SORBS3: variants seen among roughly 807,000 people sequenced by gnomAD.
SORBS3 encodes the protein vinexin.
SORBS3 carries 69 observed loss-of-function variants against 98.0 expected under a neutral mutation model. The ratio of observed to expected loss-of-function variants is 0.70; its 90% CI spans 0.58 to 0.86. The LOEUF is 0.86. Ranked by LOEUF, SORBS3 falls within the 40% of genes least tolerant of loss-of-function variation. The probability of loss-of-function intolerance (pLI) is 0.00; values close to 1 mark genes in which losing one functional copy is unlikely to be tolerated. For synonymous variants in SORBS3, 394 were observed against 355.4 expected, an observed-to-expected ratio of 1.11 and a Z score of -1.22; for missense variants, 954 against 908.5, an observed-to-expected ratio of 1.05 and a Z score of -0.64.
At chr8:22,553,926 A>G (rs930639636) in intron 1 of SORBS3, among the ~76,000 whole-genome samples, 5 of 152,170 alleles carry the variant, frequency 3.3e-5, no homozygotes, top group Admixed American at 2.0e-4. Flanking sequence ...CCTTGGCCCT[A>G]TTGGGCTTAA....
chr8:22,561,315 G>C lies in SORBS3; in HGVS notation c.479-20G>C. 2 of 1,585,508 alleles carry C rather than the reference G, an allele frequency of 1.3e-6. No individual in the cohort carries two copies. The highest frequency in any genetic ancestry group is 1.7e-6 in the Non-Finnish European group (2 of 1,163,274). ...TGCTTTCTGCCCCGTCCCATGACCT[G>C]GTCCCTTCTGCTCCTGCAGACTTGC... On this transcript the variant is annotated intron_variant, in intron 5 of 20. Coordinates refer to ENST00000240123, the MANE Select transcript of SORBS3 (RefSeq NM_005775.5).
At chr8:22,549,935 G>A (rs1840056979), upstream of SORBS3, 2 of 969,350 alleles carry the variant, frequency 2.1e-6, no homozygotes, top group South Asian at 9.5e-5. Context: ...AGAGAAGCTT[G>A]CTGCTGGTGA....
At position 22,574,755 on chromosome 8, in the gene SORBS3, G is replaced by GC; in HGVS notation, c.*29dup. The GC allele has an allele frequency of 6.2e-7, 1 of 1,608,906 alleles. No individual in the cohort carries two copies. Among genetic ancestry groups the GC allele is most frequent in the Non-Finnish European group, 8.5e-7 (1 of 1,175,714 alleles). On this transcript the variant is annotated 3_prime_UTR_variant, in exon 21 of 21. Coordinates refer to ENST00000240123, the MANE Select transcript of SORBS3 (RefSeq NM_005775.5). The stretch of plus-strand genomic sequence containing the variant: ...TGGTCTCCATGGCAACTTGGAGCCA[G>GC]CCAGGATGGGGTGGGGAGCGGTGGC...
At position 22,561,918 on chromosome 8, in the gene SORBS3, A is replaced by G. The variant is rs1008237218; in HGVS notation, c.571A>G (p.Thr191Ala). 1.5e-5 allele frequency: 24 copies of G among 1,613,946 alleles called. No individual in the cohort carries two copies. The African/African-American group carries it at 2.7e-4, about 18-fold the overall frequency. Residue 191 changes from threonine to alanine, a missense_variant, in exon 7 of 21, where the codon ACA becomes GCA. By Grantham distance (58) the Thr-to-Ala change is moderately conservative (BLOSUM62 0). Coordinates refer to ENST00000240123, the MANE Select transcript of SORBS3 (RefSeq NM_005775.5). ...ACCTGCCCACAGGCCCGGCCCGGCA[A>G]CATCTTCCAGTGGGTGAGCACAGTG... ...QRPAHRPGPATSSSGRSWDHS... is the reference protein window; with the variant it reads ...QRPAHRPGPAASSSGRSWDHS...
At chr8:22,565,480 C>A in intron 11 of SORBS3, 126 bp downstream of exon 11, 1 of 761,116 alleles carries the variant, frequency 1.3e-6, no homozygotes, top group Non-Finnish European at 1.9e-6. Context: ...GCGGCGCGCA[C>A]CGGCCTCGGG....
chr8:22,570,246 G>A (rs1156520856), intron 17 of SORBS3, among the ~76,000 whole-genome samples: 2 of 152,202 alleles, frequency 1.3e-5, no homozygotes, highest in Admixed American at 6.5e-5. Flanking sequence ...GAGACAGATG[G>A]GGGCAGGAGA....
chr8:22,571,867 T>C, intron 19 of SORBS3, 46 bp downstream of exon 19: 2 of 1,327,304 alleles, frequency 1.5e-6, no homozygotes, highest in Non-Finnish European at 2.2e-6. Context: ...GGGGGGTCAC[T>C]GGCAGGCAAT....
chr8:22,552,762 C>CGAG (rs1840108569), intron 1 of SORBS3, among the ~76,000 whole-genome samples: 1 of 152,204 alleles, frequency 6.6e-6, no homozygotes, highest in Non-Finnish European at 1.5e-5. Flanking sequence ...AGGGGTGCTG[C>CGAG]GAGGAGCCGA....
intron 19 of SORBS3, 83 bp from the exon 20 acceptor site, chr8:22,572,257 C>T (rs1377859065): frequency 8.9e-7 from 1 of 1,118,126 alleles, no homozygotes; most frequent in Non-Finnish European, 1.4e-6. Context: ...ATGAAGGGAC[C>T]CTGGGGCATT....
At position 22,567,043 on chromosome 8, in the gene SORBS3, C is replaced by T. The variant is rs772454525; in HGVS notation, c.1191-18C>T. 6.2e-7 allele frequency: 1 copy of T among 1,600,874 alleles called. No individual in the cohort carries two copies. Among genetic ancestry groups the T allele is most frequent in the South Asian group, 1.1e-5 (1 of 90,544 alleles). Reference sequence around the variant, plus strand: ...GGAAGGCTTCAGCTTACCCTGCGGTCCTCGTCCCCACCTGCAGGGAGCTGA... The same window carrying T: ...GGAAGGCTTCAGCTTACCCTGCGGTTCTCGTCCCCACCTGCAGGGAGCTGA... On this transcript the variant is annotated intron_variant, in intron 15 of 20. Coordinates refer to ENST00000240123, the MANE Select transcript of SORBS3 (RefSeq NM_005775.5).
intron 16 of SORBS3, among the ~76,000 whole-genome samples, chr8:22,568,641 G>T (rs1260598988): frequency 6.6e-6 from 1 of 152,192 alleles, no homozygotes; most frequent in Non-Finnish European, 1.5e-5. Flanking sequence ...TTTATTGGCT[G>T]CTTGATTTTT....
upstream of SORBS3, among the ~76,000 whole-genome samples, chr8:22,548,251 C>G (rs549805213): frequency 6.6e-6 from 1 of 152,196 alleles, no homozygotes. Context: ...TGCTCCTGTT[C>G]CCATGAGTGG....
chr8:22,560,683 T>C (rs1475366531), intron 5 of SORBS3, among the ~76,000 whole-genome samples: 2 of 150,528 alleles, frequency 1.3e-5, no homozygotes, highest in Non-Finnish European at 3.0e-5. Context: ...AGACGGGGAG[T>C]AGGGGGATTG....
upstream of SORBS3, among the ~76,000 whole-genome samples, chr8:22,551,233 C>G (rs1254745847): frequency 6.6e-6 from 1 of 152,190 alleles, no homozygotes; most frequent in South Asian, 2.1e-4. This position sits in a 1 kb window ranked among gnomAD's most constrained non-coding sequence, Gnocchi z 5.8. Flanking sequence ...AGCGTCCCCA[C>G]GTTTGCAGTG....
chr8:22,550,056 C>T (rs1042671576), upstream of SORBS3: 92 of 981,394 alleles, frequency 9.4e-5, no homozygotes, highest in Non-Finnish European at 1.1e-4. Context: ...AGGACCCTGA[C>T]AGGTGGGAAA....
rs112969836 is a variant in SORBS3 at position 22,554,534 on chromosome 8, G to T, written c.28G>T (p.Ala10Ser). 1.2e-6 allele frequency: 2 copies of T among 1,612,520 alleles called. No individual in the cohort carries two copies. The highest frequency in any genetic ancestry group is 1.7e-5 in the Admixed American group (1 of 60,004). MQGPPRSLRAGLSLDDFIPG... is the reference protein window; with the variant it reads MQGPPRSLRSGLSLDDFIPG... The stretch of plus-strand genomic sequence containing the variant: ...GCAGGGCCCACCCCGCAGCCTCCGC[G>T]CTGGGCTCAGCCTGGACGACTTCAT... Residue 10 changes from alanine (A) to serine (S), a missense_variant, in exon 2 of 21, where the codon GCT becomes TCT. Ala to Ser is a moderately conservative substitution (Grantham distance 99). Transcript: ENST00000240123. This position sits in a 1 kb window ranked among gnomAD's most constrained non-coding sequence, Gnocchi z 6.5.
rs763040812 is a variant in SORBS3 at position 22,564,296 on chromosome 8, G to C, written c.689G>C (p.Arg230Pro). 1.2e-6 allele frequency: 2 copies of C among 1,604,684 alleles called. No homozygotes were observed. Among genetic ancestry groups the C allele is most frequent in the Admixed American group, 1.7e-5 (1 of 58,480 alleles). ...LQPSNQVLRR[R>P]EKVDNVWTEE... is the part of the protein sequence containing the mutation. Reference sequence around the variant, plus strand: ...ACCTCCACGCAGGTGCTCAGACGCCGGGAAAAAGTAGACAATGTCTGGACG... The same window carrying C: ...ACCTCCACGCAGGTGCTCAGACGCCCGGAAAAAGTAGACAATGTCTGGACG... Residue 230 changes from arginine to proline, a missense_variant, in exon 9 of 21, where the codon CGG becomes CCG. By Grantham distance (103) the Arg-to-Pro change is moderately radical. Transcript: ENST00000240123.
At position 22,559,223 on chromosome 8, in the gene SORBS3, G is replaced by A. The variant is rs967286769; in HGVS notation, c.478+1031G>A. ...GCTTCAATCCAGGGGAGAGATAATC[G>A]TGTGTTAGACCAGGGCGGTAGCAGT... On this transcript the variant is annotated intron_variant, in intron 5 of 20. Transcript: ENST00000240123. Among the ~76,000 whole-genome samples, 9 of 152,312 alleles carry A rather than the reference G, an allele frequency of 5.9e-5. No homozygotes were observed. The South Asian group carries it at 1.0e-3, about 18-fold the overall frequency.
In SORBS3 at chr8:22,564,496, G is replaced by C. The variant is rs112063661; in HGVS notation, c.791G>C (p.Gly264Ala). Residue 264 changes from glycine to alanine, a missense_variant, in exon 10 of 21, where the codon GGT becomes GCT. Gly to Ala is a moderately conservative substitution (Grantham distance 60). Coordinates refer to ENST00000240123, the MANE Select transcript of SORBS3 (RefSeq NM_005775.5). The part of the protein sequence containing the change: ...RPKKPLVDDP[G>A]EKPSQPIEVL... The stretch of plus-strand genomic sequence containing the variant: ...AAGAAACCGCTGGTGGACGACCCTG[G>C]TGAGAAGCCCTCCCAGCCCATTGAG... 180 of 1,614,078 alleles carry C rather than the reference G, an allele frequency of 1.1e-4. 2 individuals are homozygous for C. In the African/African-American group the frequency reaches 1.8e-3, roughly 16 times the overall value.
Sources: gnomAD v4.1 joint callset for allele counts (sites outside exome capture counted in the v4.1 genomes callset) on GRCh38, gnomAD v4.1.1 for gene constraint, Gnocchi (gnomAD v3.1) non-coding constraint, MANE v1.5 for transcripts, NCBI Gene and HGNC (gene_info 2026-07-23, HGNC 2026-07-21) for gene names.